Variants in TRIO observed in about 807,000 individuals in gnomAD.
TRIO encodes trio Rho guanine nucleotide exchange factor, also known as triple functional domain protein.
A neutral mutation model predicts 351.9 loss-of-function variants in TRIO; 58 were observed. The ratio of observed to expected loss-of-function variants is 0.16; its 90% CI spans 0.13 to 0.21. The LOEUF (loss-of-function observed/expected upper bound fraction) is 0.21, where lower values mean the gene tolerates loss of function less well. Ranked by LOEUF, TRIO falls within the 10% of genes least tolerant of loss-of-function variation. The pLI is 1.00. For synonymous variants in TRIO, 1,758 were observed against 1,595.7 expected (o/e 1.10, Z -2.42); for missense variants, 3,201 against 4,027.8 (o/e 0.79, Z 5.56).
In TRIO at chr5:14,143,616, G is replaced by C. The variant is rs1013698223; in HGVS notation, c.-110G>C. 3.1e-6 allele frequency: 1 copy of C among 325,016 alleles called. No homozygotes were observed. The highest frequency in any genetic ancestry group is 6.7e-5 in the Admixed American group (1 of 14,902). 20.1% of individuals were successfully genotyped at this position (325,016 alleles called of 1,614,324 possible). A position where few individuals can be genotyped will look rare whatever the true frequency, so the allele number is the denominator to read the frequency against. ...CCGGGGCTCTGCGTCCGCGCGCCGG[G>C]CGCGGGCAGCTGGGTGCTCGGCGCC... On this transcript the variant is annotated 5_prime_UTR_variant, in exon 1 of 57. Coordinates refer to ENST00000344204, the MANE Select transcript of TRIO (RefSeq NM_007118.4).
At chr5:14,202,936 T>C (rs1357311700) in intron 1 of TRIO, among the ~76,000 whole-genome samples, 2 of 152,084 alleles carry the variant, frequency 1.3e-5, no homozygotes, top group African/African-American at 4.8e-5. Context: ...TGGTCATTTA[T>C]AATTTTTATT....
intron 1 of TRIO, among the ~76,000 whole-genome samples, chr5:14,178,185 C>A (rs1034435629): frequency 6.6e-6 from 1 of 152,130 alleles, no homozygotes; most frequent in South Asian, 2.1e-4. Context: ...ATTTGCCAAA[C>A]AAGCAGCAGA....
At position 14,476,937 on chromosome 5, in the gene TRIO, A is replaced by G; in HGVS notation, c.6127A>G (p.Lys2043Glu). ...ELEKCLEDPE[K>E]LGSLFVKHER... Reference sequence around the variant, plus strand: ...AGAGAAGTGCCTTGAAGATCCAGAAAAACTAGGATCCCTTTTTGTTAAACA... The same window carrying G: ...AGAGAAGTGCCTTGAAGATCCAGAAGAACTAGGATCCCTTTTTGTTAAACA... Residue 2043 changes from lysine (K) to glutamate (E), a missense_variant, in exon 41 of 57, where the codon AAA becomes GAA. Transcript: ENST00000344204. 3.7e-6 allele frequency: 6 copies of G among 1,614,058 alleles called. No individual in the cohort carries two copies. Among genetic ancestry groups the G allele is most frequent in the Non-Finnish European group, 5.1e-6 (6 of 1,179,992 alleles).
At chr5:14,230,912 G>A (rs938845495) in intron 1 of TRIO, among the ~76,000 whole-genome samples, 2 of 152,182 alleles carry the variant, frequency 1.3e-5, no homozygotes, top group African/African-American at 4.8e-5. Context: ...TATGGCCCCT[G>A]CACATCTTAC....
intron 1 of TRIO, among the ~76,000 whole-genome samples, chr5:14,248,955 C>T (rs1048210094): frequency 1.3e-5 from 2 of 152,160 alleles, no homozygotes; most frequent in Non-Finnish European, 2.9e-5. Flanking sequence ...GACTGAGAGC[C>T]CTCAAAAAAG....
chr5:14,413,449 A>G (rs755839873), intron 33 of TRIO, among the ~76,000 whole-genome samples: 2 of 152,242 alleles, frequency 1.3e-5, no homozygotes, highest in African/African-American at 2.4e-5. Context: ...TCCCTATGAT[A>G]GGCATTCAGC....
chr5:14,356,671 A>T (rs55773296), intron 11 of TRIO, among the ~76,000 whole-genome samples: 1 of 152,170 alleles, frequency 6.6e-6, no homozygotes, highest in Non-Finnish European at 1.5e-5. Flanking sequence ...GTTGTGCCCA[A>T]ATGTTTACAG....
intron 33 of TRIO, among the ~76,000 whole-genome samples, chr5:14,414,171 G>C (rs1285201581): frequency 6.6e-6 from 1 of 152,140 alleles, no homozygotes; most frequent in African/African-American, 2.4e-5. Flanking sequence ...CCCCGCCCTC[G>C]TTCCCTTTTC....
At chr5:14,267,885 C>T (rs757140274) in intron 1 of TRIO, among the ~76,000 whole-genome samples, 16 of 152,020 alleles carry the variant, frequency 1.1e-4, no homozygotes, top group Non-Finnish European at 1.8e-4. Flanking sequence ...TTTATATTTT[C>T]TGTTTTTGAA....
chr5:14,392,877 A>C (rs928951184), intron 27 of TRIO, among the ~76,000 whole-genome samples: 1 of 144,498 alleles, frequency 6.9e-6, no homozygotes, highest in Non-Finnish European at 1.5e-5. Flanking sequence ...AAACCCCGTC[A>C]CTACTAAAAA....
intron 1 of TRIO, among the ~76,000 whole-genome samples, chr5:14,220,021 GT>G (rs1268117978): frequency 2.9e-4 from 41 of 143,046 alleles, no homozygotes; most frequent in East Asian, 2.4e-3. Context: ...ATACTGCGGG[GT>G]TTTTTTTTCT....
chr5:14,162,575 T>C (rs1280320924), intron 1 of TRIO, among the ~76,000 whole-genome samples: 1 of 152,220 alleles, frequency 6.6e-6, no homozygotes, highest in African/African-American at 2.4e-5. Flanking sequence ...TCCTTAACTT[T>C]GCTTGTATAT....
intron 9 of TRIO, among the ~76,000 whole-genome samples, chr5:14,321,947 C>T (rs1358603901): frequency 6.6e-6 from 1 of 152,178 alleles, no homozygotes; most frequent in African/African-American, 2.4e-5. Context: ...GATTGTTAGG[C>T]CTCCCTAGCC....
intron 7 of TRIO, among the ~76,000 whole-genome samples, chr5:14,301,252 C>T (rs1038557549): frequency 6.6e-6 from 1 of 152,076 alleles, no homozygotes; most frequent in Non-Finnish European, 1.5e-5. Flanking sequence ...CTTCCTTCAT[C>T]ATTTATTCAG....
At chr5:14,218,965 C>T (rs146389511) in intron 1 of TRIO, among the ~76,000 whole-genome samples, 86 of 152,310 alleles carry the variant, frequency 5.6e-4, no homozygotes, top group African/African-American at 1.8e-3. Context: ...TGTTGCTCTG[C>T]GCCTTCTTGT....
intron 1 of TRIO, among the ~76,000 whole-genome samples, chr5:14,177,894 C>G (rs988061786): frequency 6.6e-6 from 1 of 152,230 alleles, no homozygotes; most frequent in African/African-American, 2.4e-5. Context: ...CGGTCCTCAC[C>G]ATACCGTGGC....
chr5:14,199,346 G>T (rs949161079), intron 1 of TRIO, among the ~76,000 whole-genome samples: 3 of 152,170 alleles, frequency 2.0e-5, no homozygotes, highest in East Asian at 3.8e-4. Flanking sequence ...TGAGGTTTTG[G>T]ATTATTAATG....
At chr5:14,330,428 C>A (rs1012339110) in intron 9 of TRIO, among the ~76,000 whole-genome samples, 2 of 152,204 alleles carry the variant, frequency 1.3e-5, no homozygotes, top group African/African-American at 2.4e-5. Flanking sequence ...TGTGTGACTT[C>A]CTAATCACTG....
intron 21 of TRIO, among the ~76,000 whole-genome samples, chr5:14,384,591 A>G (rs1746381728): frequency 6.6e-6 from 1 of 152,208 alleles, no homozygotes; most frequent in Admixed American, 6.5e-5. Flanking sequence ...TTTGGAAAAA[A>G]AATTAAGTTG....
Sources: allele counts gnomAD v4.1 joint callset (sites outside exome capture counted in the v4.1 genomes callset), GRCh38; gene constraint gnomAD v4.1.1; transcripts MANE v1.5; gene names NCBI Gene and HGNC (gene_info 2026-07-23, HGNC 2026-07-21).